The following CLVS1 variants were observed in gnomAD, a reference collection of about 807,000 sequenced individuals.
The protein encoded by CLVS1 is clavesin 1.
A neutral mutation model predicts 33.1 loss-of-function variants in CLVS1; 10 were observed. That is an observed-to-expected ratio of 0.30 (90% CI 0.19 to 0.51). The LOEUF is 0.51. Ranked by LOEUF, CLVS1 falls within the 20% of genes least tolerant of loss-of-function variation. The pLI is 0.97. For missense variants in CLVS1, 343 were observed against 433.4 expected, an observed-to-expected ratio of 0.79 and a Z score of 1.85; for synonymous variants, 163 against 166.1, an observed-to-expected ratio of 0.98 and a Z score of 0.14.
At chr8:61,213,813 A>G (rs554154826) in intron 2 of CLVS1, among the ~76,000 whole-genome samples, 4 of 152,370 alleles carry the variant, frequency 2.6e-5, no homozygotes, top group African/African-American at 4.8e-5. Flanking sequence ...TCAGGGAATA[A>G]GAGAGATAAC....
chr8:61,213,438 G>T (rs1430510067), intron 2 of CLVS1, among the ~76,000 whole-genome samples: 1 of 103,124 alleles, frequency 9.7e-6, no homozygotes, highest in Admixed American at 9.8e-5. Context: ...GTTGCGGGAA[G>T]TCAGGGACCC....
At chr8:61,267,352 T>C (rs1418439172) in intron 2 of CLVS1, among the ~76,000 whole-genome samples, 1 of 152,194 alleles carries the variant, frequency 6.6e-6, no homozygotes, top group East Asian at 1.9e-4. Flanking sequence ...TTGTGTTGTG[T>C]TCCTGGCTGT....
At chr8:61,372,182 C>A (rs532731002) in intron 2 of CLVS1, among the ~76,000 whole-genome samples, 37 of 151,506 alleles carry the variant, frequency 2.4e-4, no homozygotes, top group Middle Eastern at 3.4e-3. Flanking sequence ...TAAAATAAAT[C>A]AAAAAAAATT....
At chr8:61,420,971 C>G (rs368369219) in intron 3 of CLVS1, among the ~76,000 whole-genome samples, 26 of 152,248 alleles carry the variant, frequency 1.7e-4, no homozygotes, top group East Asian at 1.2e-3. Flanking sequence ...AAGTCCATCT[C>G]AAAAACAAAC....
chr8:61,465,351 A>G (rs1817509418), intron 5 of CLVS1: 1 of 152,174 alleles, frequency 6.6e-6, no homozygotes, highest in South Asian at 2.1e-4. Flanking sequence ...TGTGTTCCAA[A>G]GCACTCTCGA....
chr8:61,253,729 T>C (rs1321226179), intron 2 of CLVS1, among the ~76,000 whole-genome samples: 3 of 152,268 alleles, frequency 2.0e-5, no homozygotes, highest in South Asian at 2.1e-4. Flanking sequence ...CTGAGGCTTA[T>C]GCATTCGTCA....
At chr8:61,253,865 A>G (rs1184380871) in intron 2 of CLVS1, among the ~76,000 whole-genome samples, 1 of 152,060 alleles carries the variant, frequency 6.6e-6, no homozygotes, top group Non-Finnish European at 1.5e-5. Context: ...ATGGGTTCGA[A>G]CTTCCTTCTT....
At chr8:61,138,433 G>A (rs949976643) in intron 2 of CLVS1, among the ~76,000 whole-genome samples, 7 of 152,258 alleles carry the variant, frequency 4.6e-5, no homozygotes, top group South Asian at 2.1e-4. Flanking sequence ...GGGACAGGGA[G>A]TGGCTGATCA....
intron 5 of CLVS1, among the ~76,000 whole-genome samples, chr8:61,464,107 T>A (rs1017351806): frequency 4.7e-5 from 7 of 149,040 alleles, no homozygotes; most frequent in African/African-American, 9.9e-5. Context: ...AAAAAAAAAA[T>A]TTGAAATATT....
At chr8:60,978,860 G>A in the CLVS1 span, among the ~76,000 whole-genome samples, 5 of 130,802 alleles carry the variant, frequency 3.8e-5, no homozygotes, top group Non-Finnish European at 8.4e-5. Context: ...TACAGGGAAA[G>A]AAAGGAATAA....
intron 2 of CLVS1, among the ~76,000 whole-genome samples, chr8:61,376,089 T>A (rs1021438054): frequency 6.6e-6 from 1 of 152,244 alleles, no homozygotes; most frequent in East Asian, 1.9e-4. Flanking sequence ...ATAGCATCAA[T>A]GGCATGAATG....
chr8:61,365,527 C>T (rs79228978), intron 2 of CLVS1, among the ~76,000 whole-genome samples: 1 of 140,370 alleles, frequency 7.1e-6, no homozygotes, highest in Non-Finnish European at 1.6e-5. Flanking sequence ...AACACCATGT[C>T]AAAAAAAAAA....
intron 5 of CLVS1, among the ~76,000 whole-genome samples, chr8:61,471,763 CCTG>C (rs1303960994): frequency 1.3e-5 from 2 of 152,218 alleles, no homozygotes; most frequent in African/African-American, 2.4e-5. Flanking sequence ...TGCCCCCTGG[CCTG>C]GAGGACAATT....
chr8:61,205,019 G>A (rs1221058293), intron 2 of CLVS1, among the ~76,000 whole-genome samples: 1 of 152,150 alleles, frequency 6.6e-6, no homozygotes, highest in East Asian at 1.9e-4. Context: ...TGTTTCATCA[G>A]TGGGAAGAAT....
intron 1 of CLVS1, among the ~76,000 whole-genome samples, chr8:61,100,655 C>A (rs1427465036): frequency 1.3e-5 from 2 of 152,140 alleles, no homozygotes; most frequent in Non-Finnish European, 2.9e-5. Flanking sequence ...TCACCACAAT[C>A]AACTTTAGAA....
chr8:61,075,694 C>G (rs565908673), intron 1 of CLVS1, among the ~76,000 whole-genome samples: 101 of 152,332 alleles, frequency 6.6e-4, no homozygotes, highest in African/African-American at 2.3e-3. Flanking sequence ...CACCTTCCCC[C>G]TTTTACGTTT....
In CLVS1 at chr8:61,361,196, A is replaced by T. The variant is rs112410805; in HGVS notation, c.456-15409A>T. Reference sequence around the variant, plus strand: ...TGCCCCCATGATACAATCACCTCCCACCAGGCCCCACCTCCAACAATTGGG... The same window carrying T: ...TGCCCCCATGATACAATCACCTCCCTCCAGGCCCCACCTCCAACAATTGGG... On this transcript the variant is annotated intron_variant, in intron 2 of 5. Transcript: ENST00000325897. 5.1e-3 allele frequency among the ~76,000 whole-genome samples: 784 copies of T among 152,296 alleles called. 4 individuals carry two copies. Among genetic ancestry groups the T allele is most frequent in the African/African-American group, 0.017 (717 of 41,572 alleles).
intron 2 of CLVS1, among the ~76,000 whole-genome samples, chr8:61,227,294 CTT>C (rs11452736): frequency 7.0e-6 from 1 of 142,996 alleles, no homozygotes. Flanking sequence ...GCGAGAAATG[CTT>C]TTTTTTTTTT....
At chr8:61,220,534 C>G (rs1348644111) in intron 2 of CLVS1, among the ~76,000 whole-genome samples, 1 of 152,020 alleles carries the variant, frequency 6.6e-6, no homozygotes, top group Non-Finnish European at 1.5e-5. Flanking sequence ...GTTTTGGTAC[C>G]AGTACCATGC....
Sources: allele counts gnomAD v4.1 joint callset (sites outside exome capture counted in the v4.1 genomes callset), GRCh38; gene constraint gnomAD v4.1.1; transcripts MANE v1.5; gene names NCBI Gene and HGNC (gene_info 2026-07-23, HGNC 2026-07-21).